The following TSHR variants were observed in gnomAD, a reference collection of about 807,000 sequenced individuals.
The protein encoded by TSHR is thyrotropin receptor.
In TSHR, 51 loss-of-function variants were observed where a neutral mutation model predicts 64.1. The observed-to-expected ratio is 0.80, with a 90% CI of 0.64 to 1.01. The LOEUF is 1.01. Ranked by LOEUF, TSHR falls within the 50% of genes least tolerant of loss-of-function variation. The pLI, the probability that TSHR is intolerant of heterozygous loss-of-function variation, is 0.00. For missense variants in TSHR, 877 were observed against 942.8 expected (o/e 0.93, Z 0.91); for synonymous variants, 361 against 361.9 (o/e 1.00, Z 0.03).
chr14:80,966,846 G>A (rs1887322188), intron 1 of TSHR, among the ~76,000 whole-genome samples: 1 of 152,122 alleles, frequency 6.6e-6, no homozygotes, highest in Non-Finnish European at 1.5e-5. Context: ...TGTCTTGTGA[G>A]GGCTGCTTCC....
At chr14:81,041,838 G>T (rs983249294) in intron 1 of TSHR, among the ~76,000 whole-genome samples, 2 of 152,174 alleles carry the variant, frequency 1.3e-5, no homozygotes, top group African/African-American at 2.4e-5. Context: ...TACTATACAG[G>T]TTTCTAGCCT....
At chr14:80,983,512 G>T in intron 1 of TSHR, 2 of 1,344,542 alleles carry the variant, frequency 1.5e-6, no homozygotes, top group Non-Finnish European at 2.1e-6. Context: ...CTTGTTAGTG[G>T]TGTGGCCATA....
intron 1 of TSHR, among the ~76,000 whole-genome samples, chr14:80,998,251 A>G (rs536103398): frequency 5.9e-5 from 9 of 152,280 alleles, no homozygotes; most frequent in Admixed American, 5.9e-4. Flanking sequence ...TGTGGGAAAT[A>G]AGAGTATTGG....
At chr14:81,087,049 C>T (rs1432698090) in intron 3 of TSHR, among the ~76,000 whole-genome samples, 2 of 152,180 alleles carry the variant, frequency 1.3e-5, no homozygotes, top group Non-Finnish European at 2.9e-5. Flanking sequence ...TGCCTACATA[C>T]AATGTTTGAA....
In TSHR at chr14:81,092,528, C is replaced by G. The variant is rs371708118; in HGVS notation, c.468-3C>G. The G allele has an allele frequency of 3.1e-6, 5 of 1,613,872 alleles. No homozygotes were observed. The Admixed American group carries it at 6.7e-5, about 22-fold the overall frequency. Reference sequence around the variant, plus strand: ...TAAGTGTTTTTGTCCCTCTCTCTTGCAGTGAAATTACAGACAACCCTTACA... The same window carrying G: ...TAAGTGTTTTTGTCCCTCTCTCTTGGAGTGAAATTACAGACAACCCTTACA... On this transcript the variant is annotated splice_polypyrimidine_tract_variant and splice_region_variant and intron_variant, in intron 5 of 9. Coordinates refer to ENST00000298171, the MANE Select transcript of TSHR (RefSeq NM_000369.5).
intron 1 of TSHR, among the ~76,000 whole-genome samples, chr14:80,972,253 T>G: frequency 6.6e-6 from 1 of 152,198 alleles, no homozygotes; most frequent in East Asian, 1.9e-4. Context: ...TCGTTTTTGT[T>G]TTTTGTACTA....
At chr14:81,027,480 A>T (rs1032845435) in intron 1 of TSHR, among the ~76,000 whole-genome samples, 19 of 152,302 alleles carry the variant, frequency 1.2e-4, no homozygotes, top group African/African-American at 4.6e-4. Context: ...TGAGGGCATA[A>T]ATATCTTATC....
intron 1 of TSHR, chr14:80,981,865 G>A (rs1193449072): frequency 5.6e-6 from 1 of 177,608 alleles, no homozygotes; most frequent in Non-Finnish European, 1.3e-5. Context: ...TGAACTGAAA[G>A]TTGACTCTAA....
chr14:81,123,318 A>G (rs1453281255), intron 8 of TSHR, among the ~76,000 whole-genome samples: 1 of 152,192 alleles, frequency 6.6e-6, no homozygotes, highest in Non-Finnish European at 1.5e-5. Flanking sequence ...CTAATCATAC[A>G]TAGACATGTG....
chr14:81,089,091 G>A (rs1242890804), intron 4 of TSHR, among the ~76,000 whole-genome samples: 4 of 151,018 alleles, frequency 2.6e-5, no homozygotes, highest in Admixed American at 6.6e-5. Flanking sequence ...GCATTCAAGC[G>A]ATTCTCCTGC....
chr14:81,068,445 T>C (rs1886821622), intron 3 of TSHR, 117 bp downstream of exon 3: 1 of 879,100 alleles, frequency 1.1e-6, no homozygotes, highest in Non-Finnish European at 1.9e-6. Flanking sequence ...AAACTTCTGT[T>C]TATGATTAAA....
chr14:81,031,102 C>G (rs374199036), intron 1 of TSHR, among the ~76,000 whole-genome samples: 1 of 152,036 alleles, frequency 6.6e-6, no homozygotes, highest in Non-Finnish European at 1.5e-5. Flanking sequence ...TTTGAGTATC[C>G]CTTGATGACC....
intron 1 of TSHR, among the ~76,000 whole-genome samples, chr14:81,045,058 T>C (rs1477331792): frequency 6.6e-6 from 1 of 152,180 alleles, no homozygotes; most frequent in African/African-American, 2.4e-5. Context: ...CATGGAATAC[T>C]ATGCGGCCAT....
At position 81,075,170 on chromosome 14, in the gene TSHR, A is replaced by G. The variant is rs199570727; in HGVS notation, c.317+6842A>G. Reference sequence around the variant, plus strand: ...TGTTCAAACAGTGTTCAAATAAGGCAAAAGCTAAGCTATAACCAATCTAGC... The same window carrying G: ...TGTTCAAACAGTGTTCAAATAAGGCGAAAGCTAAGCTATAACCAATCTAGC... On this transcript the variant is annotated intron_variant, in intron 3 of 9. Transcript: ENST00000298171. Among the ~76,000 whole-genome samples, 10 of 152,344 alleles carry G rather than the reference A, an allele frequency of 6.6e-5. No homozygotes were observed. The East Asian group carries it at 1.7e-3, about 26-fold the overall frequency.
chr14:81,130,032 T>C (rs1891173789), intron 8 of TSHR, among the ~76,000 whole-genome samples: 1 of 152,202 alleles, frequency 6.6e-6, no homozygotes, highest in Non-Finnish European at 1.5e-5. Context: ...CTGGGTCTAT[T>C]TGGATCTGAC....
At chr14:81,035,247 G>T (rs1884563470) in intron 1 of TSHR, among the ~76,000 whole-genome samples, 1 of 152,132 alleles carries the variant, frequency 6.6e-6, no homozygotes. Context: ...CAGTTTATCT[G>T]AAGTGTTGTG....
chr14:81,072,779 C>G (rs1465537015), intron 3 of TSHR, among the ~76,000 whole-genome samples: 2 of 137,762 alleles, frequency 1.5e-5, no homozygotes, highest in East Asian at 3.9e-4. Context: ...GGGCGGATCA[C>G]GAGGTCAGGA....
At chr14:81,065,650 C>T (rs934039331) in intron 2 of TSHR, among the ~76,000 whole-genome samples, 1 of 152,114 alleles carries the variant, frequency 6.6e-6, no homozygotes, top group African/African-American at 2.4e-5. Context: ...TCCCATTTAC[C>T]TTGTACATTA....
chr14:80,991,522 T>C (rs1888725091), intron 1 of TSHR: 1 of 398,350 alleles, frequency 2.5e-6, no homozygotes, highest in Admixed American at 4.4e-5. Context: ...CAACCATTCT[T>C]TCCAAATTTT....
Sources: allele counts gnomAD v4.1 joint callset (sites outside exome capture counted in the v4.1 genomes callset), GRCh38; gene constraint gnomAD v4.1.1; transcripts MANE v1.5; gene names NCBI Gene and HGNC (gene_info 2026-07-23, HGNC 2026-07-21).